Variants in GDA observed in about 807,000 individuals in gnomAD.
The protein encoded by GDA is cytoplasmic PSD-95 interactor.
Under a neutral mutation model 59.6 loss-of-function variants are expected in GDA, and 18 were observed. That is an observed-to-expected ratio of 0.30 (90% CI 0.21 to 0.45). The LOEUF (loss-of-function observed/expected upper bound fraction) is 0.45. Among genes scored for constraint, GDA ranks in the 20% least tolerant of loss-of-function variants. The probability of loss-of-function intolerance (pLI) is 1.00; values close to 1 mark genes in which losing one functional copy is unlikely to be tolerated. For missense variants in GDA, 427 were observed against 552.3 expected (o/e 0.77, Z 2.27); for synonymous variants, 201 against 201.1 (o/e 1.00, Z 0.00).
chr9:72,194,445 C>T, intron 1 of GDA, among the ~76,000 whole-genome samples: 1 of 152,164 alleles, frequency 6.6e-6, no homozygotes, highest in Admixed American at 6.5e-5. Context: ...ACACCCCTGA[C>T]AGGTGCCCTA....
At chr9:72,186,108 G>T (rs1831831606) in intron 1 of GDA, among the ~76,000 whole-genome samples, 1 of 152,184 alleles carries the variant, frequency 6.6e-6, no homozygotes. Context: ...GTGAATGAGT[G>T]AACGGGTTTC....
chr9:72,245,933 A>G (rs1840093326), intron 12 of GDA, among the ~76,000 whole-genome samples: 1 of 152,222 alleles, frequency 6.6e-6, no homozygotes, highest in Non-Finnish European at 1.5e-5. Flanking sequence ...AAAAAGAATT[A>G]AGTATTGCCA....
chr9:72,133,935 T>C (rs908774250), intron 1 of GDA, among the ~76,000 whole-genome samples: 1 of 152,170 alleles, frequency 6.6e-6, no homozygotes, highest in African/African-American at 2.4e-5. Context: ...GGTTCCAAGG[T>C]TTAGCAATCT....
downstream of GDA, among the ~76,000 whole-genome samples, chr9:72,259,181 C>T (rs140025746): frequency 8.5e-4 from 129 of 152,096 alleles, 2 homozygotes; most frequent in African/African-American, 2.9e-3. Flanking sequence ...TGCACCATCA[C>T]GCCTGGCTAT....
chr9:72,246,973 G>A (rs1048240051), intron 12 of GDA, among the ~76,000 whole-genome samples: 1 of 152,000 alleles, frequency 6.6e-6, no homozygotes, highest in African/African-American at 2.4e-5. Flanking sequence ...CTTATCAGTA[G>A]AGACAGAAAC....
At chr9:72,198,315 G>A (rs181365716) in intron 2 of GDA, among the ~76,000 whole-genome samples, 11 of 152,030 alleles carry the variant, frequency 7.2e-5, no homozygotes, top group South Asian at 2.1e-4. Flanking sequence ...CGAGGCAGGC[G>A]CATCACGAGG....
At position 72,250,185 on chromosome 9, in the gene GDA, G is replaced by C. The variant is rs1840548929; in HGVS notation, c.*1843G>C. 1.0e-6 allele frequency: 1 copy of C among 984,644 alleles called. No homozygotes were observed. Among genetic ancestry groups the C allele is most frequent in the South Asian group, 4.7e-5 (1 of 21,278 alleles). 61.0% of individuals were successfully genotyped at this position (984,644 alleles called of 1,614,324 possible). ...CACTCAACCCCTGCCAAAGGAACTT[G>C]ATTACATGGTGTCTAACCAAATGAG... On this transcript the variant is annotated 3_prime_UTR_variant, in exon 14 of 14. Coordinates refer to ENST00000358399, the MANE Select transcript of GDA (RefSeq NM_004293.5).
chr9:72,131,968 A>G (rs1826040854), intron 1 of GDA, among the ~76,000 whole-genome samples: 1 of 152,222 alleles, frequency 6.6e-6, no homozygotes, highest in African/African-American at 2.4e-5. Flanking sequence ...AGCAAGTCAT[A>G]TCTTACATGG....
chr9:72,148,021 TAG>T (rs1216928689), upstream of GDA, among the ~76,000 whole-genome samples: 11 of 152,312 alleles, frequency 7.2e-5, no homozygotes, highest in Admixed American at 5.2e-4. Context: ...TTGGTCACCT[TAG>T]ACATTGGTTA....
chr9:72,257,200 G>A (rs1840896268), downstream of GDA: 1 of 152,234 alleles, frequency 6.6e-6, no homozygotes, highest in African/African-American at 2.4e-5. Context: ...CCTGACTCTG[G>A]GACCCGCGAC....
intron 1 of GDA, among the ~76,000 whole-genome samples, chr9:72,151,893 G>A (rs539784471): frequency 4.6e-5 from 7 of 152,230 alleles, no homozygotes; most frequent in South Asian, 2.1e-4. Flanking sequence ...GTGAGCCACC[G>A]CGCCGGCCAA....
intron 11 of GDA, among the ~76,000 whole-genome samples, chr9:72,241,630 G>A (rs571468081): frequency 2.6e-5 from 4 of 152,244 alleles, no homozygotes; most frequent in South Asian, 4.2e-4. Flanking sequence ...AGTAACTTAC[G>A]TCTGTAATCC....
At chr9:72,226,539 T>C (rs1205769574) in intron 8 of GDA, among the ~76,000 whole-genome samples, 1 of 152,194 alleles carries the variant, frequency 6.6e-6, no homozygotes, top group Non-Finnish European at 1.5e-5. Context: ...AATTAATATG[T>C]GTGAAGAGAC....
intron 1 of GDA, among the ~76,000 whole-genome samples, chr9:72,153,303 A>G (rs1827459063): frequency 6.6e-6 from 1 of 152,128 alleles, no homozygotes; most frequent in Admixed American, 6.5e-5. Context: ...TGAACTTTAA[A>G]GTAGTTTTTT....
rs534282560 is a variant in GDA at position 72,214,979 on chromosome 9, C to T, written c.578+988C>T. ...GAACTCCTGACCTCAGGTGATCCAC[C>T]TGCCTTGGCCACCCAAAGCACTGGG... On this transcript the variant is annotated intron_variant, in intron 5 of 13. Transcript: ENST00000358399. 515 of 168,316 alleles carry T rather than the reference C, an allele frequency of 3.1e-3. 6 individuals are homozygous for T. The highest frequency in any genetic ancestry group is 8.3e-3 in the Middle Eastern group (3 of 360). 10.4% of individuals were successfully genotyped at this position (168,316 alleles called of 1,614,324 possible). A position where few individuals can be genotyped will look rare whatever the true frequency, so the allele number is the denominator to read the frequency against.
At chr9:72,183,664 C>A (rs753102809) in intron 1 of GDA, among the ~76,000 whole-genome samples, 28 of 152,126 alleles carry the variant, frequency 1.8e-4, no homozygotes, top group African/African-American at 1.7e-4. Context: ...CATCTCTGTG[C>A]CTCAATTTTA....
In GDA at chr9:72,249,641, C is replaced by T; in HGVS notation, c.*1299C>T. On this transcript the variant is annotated 3_prime_UTR_variant, in exon 14 of 14. Transcript: ENST00000358399. ...ACCAAATTATGACCTTATGATAAATCTTTAAGTATTGGTGTGAATGTTATT... is the reference window on the plus strand; with the variant it reads ...ACCAAATTATGACCTTATGATAAATTTTTAAGTATTGGTGTGAATGTTATT... 1 of 642,286 alleles carries T rather than the reference C, an allele frequency of 1.6e-6. No homozygotes were observed. Among genetic ancestry groups the T allele is most frequent in the Middle Eastern group, 8.1e-4 (1 of 1,238 alleles). 39.8% of individuals were successfully genotyped at this position (642,286 alleles called of 1,614,324 possible). A position where few individuals can be genotyped will look rare whatever the true frequency, so the allele number is the denominator to read the frequency against.
chr9:72,142,865 T>TAGAATACCTGGCTAGAA (rs1826491890), intron 1 of GDA, among the ~76,000 whole-genome samples: 1 of 149,048 alleles, frequency 6.7e-6, no homozygotes, highest in Non-Finnish European at 1.5e-5. Context: ...GCCTCCTGGG[T>TAGAATACCTGGCTAGAA]TCAAGCGATT....
At chr9:72,122,196 T>C (rs1469460791) in intron 1 of GDA, among the ~76,000 whole-genome samples, 2 of 152,154 alleles carry the variant, frequency 1.3e-5, no homozygotes, top group South Asian at 2.1e-4. Flanking sequence ...TTCTGCCTAA[T>C]TGACATCTGA....
Sources: allele counts gnomAD v4.1 joint callset (sites outside exome capture counted in the v4.1 genomes callset), GRCh38; gene constraint gnomAD v4.1.1; transcripts MANE v1.5; gene names NCBI Gene and HGNC (gene_info 2026-07-23, HGNC 2026-07-21).